Variants in PCDHGB4 observed in about 807,000 individuals in gnomAD.
The protein encoded by PCDHGB4 is protocadherin gamma subfamily B, 4.
A neutral mutation model predicts 60.5 loss-of-function variants in PCDHGB4; 38 were observed. The observed-to-expected ratio is 0.63, with a 90% CI of 0.48 to 0.82. The LOEUF (loss-of-function observed/expected upper bound fraction) is 0.82. PCDHGB4 is among the 40% of genes least tolerant of loss of function. PCDHGB4 has a pLI of 0.00. For synonymous variants in PCDHGB4, 456 were observed against 509.7 expected, an observed-to-expected ratio of 0.89 and a Z score of 1.42; for missense variants, 1,109 against 1,209.6, an observed-to-expected ratio of 0.92 and a Z score of 1.23.
Position 141,387,785 on chromosome 5 carries a change from G to A in PCDHGB4, c.-100G>A. On this transcript the variant is annotated 5_prime_UTR_variant, in exon 1 of 4. Coordinates refer to ENST00000519479, the MANE Select transcript of PCDHGB4 (RefSeq NM_003736.4). ...AAGAATTTTTTCTTGAACTGGAACT[G>A]CAACTAAAGTCCGTTCGGAGATCCA... The A allele has an allele frequency of 6.8e-7, 1 of 1,472,108 alleles. No individual in the cohort carries two copies. Among genetic ancestry groups the A allele is most frequent in the Non-Finnish European group, 9.1e-7 (1 of 1,104,948 alleles). The allele number at this position is 1,472,108 out of a possible 1,614,324, so 91.2% of individuals were successfully genotyped here. A position where few individuals can be genotyped will look rare whatever the true frequency, so the allele number is the denominator to read the frequency against.
At chr5:141,500,562 T>A (rs2099801387) in intron 2 of PCDHGB4, among the ~76,000 whole-genome samples, 1 of 152,202 alleles carries the variant, frequency 6.6e-6, no homozygotes, top group Admixed American at 6.5e-5. Flanking sequence ...CACAAACTTG[T>A]CACACTTTCA....
At chr5:141,395,004 A>T (rs2093147678) in intron 1 of PCDHGB4, 3 of 1,614,010 alleles carry the variant, frequency 1.9e-6, no homozygotes, top group Non-Finnish European at 2.5e-6. Context: ...TTCCGGTGGC[A>T]GATTGGTAGG....
At chr5:141,460,842 C>T (rs1339558359) in intron 1 of PCDHGB4, among the ~76,000 whole-genome samples, 2 of 150,412 alleles carry the variant, frequency 1.3e-5, no homozygotes, top group African/African-American at 2.4e-5. Flanking sequence ...GTAATGGCCT[C>T]CAGTTCGATC....
At chr5:141,409,920 C>G in intron 1 of PCDHGB4, 1 of 1,613,400 alleles carries the variant, frequency 6.2e-7, no homozygotes, top group Non-Finnish European at 8.5e-7. Flanking sequence ...GACGGCTCCG[C>G]GTTCTTCGAT....
chr5:141,395,158 A>G, intron 1 of PCDHGB4: 2 of 1,614,208 alleles, frequency 1.2e-6, no homozygotes, highest in Non-Finnish European at 1.7e-6. Context: ...CTCATCAGTC[A>G]GGAGGGCTGT....
At chr5:141,478,443 C>T (rs2099456258) in intron 1 of PCDHGB4, 3 of 1,613,494 alleles carry the variant, frequency 1.9e-6, no homozygotes, top group Admixed American at 1.7e-5. Flanking sequence ...CTGAAGAAAC[C>T]TGGTGCAGCC....
chr5:141,399,972 G>A, intron 1 of PCDHGB4: 1 of 1,612,256 alleles, frequency 6.2e-7, no homozygotes. Flanking sequence ...TCTTCAGCCT[G>A]GGGCTGCGCA....
At chr5:141,394,419 G>C in intron 1 of PCDHGB4, 1 of 1,614,224 alleles carries the variant, frequency 6.2e-7, no homozygotes, top group East Asian at 2.2e-5. Context: ...AACAGCCAGC[G>C]ACAGCGGGGA....
At chr5:141,403,102 G>T (rs765706858) in intron 1 of PCDHGB4, 1 of 1,614,046 alleles carries the variant, frequency 6.2e-7, no homozygotes, top group Admixed American at 1.7e-5. Context: ...ACATCTCCAA[G>T]GACCTGGCTC....
intron 1 of PCDHGB4, among the ~76,000 whole-genome samples, chr5:141,459,742 T>C (rs2098974738): frequency 6.6e-6 from 1 of 152,248 alleles, no homozygotes; most frequent in Non-Finnish European, 1.5e-5. Context: ...TTTTAAATTT[T>C]AGCAATTCTA....
At position 141,432,881 on chromosome 5, in the gene PCDHGB4, G is replaced by A; in HGVS notation, c.2397+42600G>A. On this transcript the variant is annotated intron_variant, in intron 1 of 3. Coordinates refer to ENST00000519479, the MANE Select transcript of PCDHGB4 (RefSeq NM_003736.4). This position sits in a 1 kb window ranked among gnomAD's most constrained non-coding sequence, Gnocchi z 6.0. ...GGTCTCCTGCGTCTTCCTGGCCTTC[G>A]TCATCTTGCTGCTGGCGCTCAGGCT... 6.2e-7 allele frequency: 1 copy of A among 1,614,170 alleles called. No homozygotes were observed. The highest frequency in any genetic ancestry group is 1.1e-5 in the South Asian group (1 of 91,088).
chr5:141,398,656 A>G, intron 1 of PCDHGB4: 1 of 1,614,034 alleles, frequency 6.2e-7, no homozygotes, highest in African/African-American at 1.3e-5. Context: ...TCTTAACCCA[A>G]GTTTCTCATT....
At chr5:141,423,341 TC>T (rs767448191) in intron 1 of PCDHGB4, 181 of 1,614,176 alleles carry the variant, frequency 1.1e-4, no homozygotes, top group Admixed American at 2.7e-4. Context: ...TCCTGCATCT[TC>T]CTGGTCTTTG....
chr5:141,478,336 C>T, intron 1 of PCDHGB4: 2 of 1,613,950 alleles, frequency 1.2e-6, no homozygotes, highest in South Asian at 2.2e-5. Context: ...CACCAGGGCC[C>T]TCCTTGCACG....
At chr5:141,427,808 G>C (rs756554301) in intron 1 of PCDHGB4, 1 of 1,522,948 alleles carries the variant, frequency 6.6e-7, no homozygotes, top group Non-Finnish European at 9.0e-7. Context: ...TGAGCGCACA[G>C]AGCGGGGTGG....
At position 141,423,462 on chromosome 5, in the gene PCDHGB4, C is replaced by A. The variant is rs371118964; in HGVS notation, c.2397+33181C>A. ...CCACGTCACATTTTGTAGGCGTGGA[C>A]GGGGTACAGGCTTTCCTGCAAACCT... On this transcript the variant is annotated intron_variant, in intron 1 of 3. Transcript: ENST00000519479. 8.1e-6 allele frequency: 13 copies of A among 1,613,808 alleles called. No homozygotes were observed. The African/African-American group carries it at 1.7e-4, about 22-fold the overall frequency.
chr5:141,461,830 CT>C (rs1030113508), intron 1 of PCDHGB4, among the ~76,000 whole-genome samples: 30 of 145,198 alleles, frequency 2.1e-4, no homozygotes, highest in Non-Finnish European at 2.4e-4. Flanking sequence ...ATTTTTTTTT[CT>C]TTTTTTTTTG....
chr5:141,436,659 G>A (rs771567212), intron 1 of PCDHGB4, among the ~76,000 whole-genome samples: 3 of 152,136 alleles, frequency 2.0e-5, no homozygotes, highest in Non-Finnish European at 2.9e-5. Flanking sequence ...GCCATTTTTA[G>A]TGGTTGACCA....
intron 1 of PCDHGB4, chr5:141,428,456 A>G (rs538022786): frequency 1.4e-5 from 5 of 358,650 alleles, no homozygotes; most frequent in South Asian, 1.1e-4. Context: ...TTTCCCAACT[A>G]CAATGAGGGA....
Sources: allele counts gnomAD v4.1 joint callset (sites outside exome capture counted in the v4.1 genomes callset), GRCh38; gene constraint gnomAD v4.1.1; non-coding constraint Gnocchi (gnomAD v3.1); transcripts MANE v1.5; gene names NCBI Gene and HGNC (gene_info 2026-07-23, HGNC 2026-07-21).